MYT1: variants seen among roughly 807,000 people sequenced by gnomAD.
The protein encoded by MYT1 is myelin transcription factor 1.
MYT1 carries 23 observed loss-of-function variants against 123.0 expected under a neutral mutation model. That is an observed-to-expected ratio of 0.19 (90% CI 0.13 to 0.26). The LOEUF is 0.26. MYT1 is among the 10% of genes least tolerant of loss of function. MYT1 has a pLI of 1.00. For synonymous variants in MYT1, 518 were observed against 575.3 expected, an observed-to-expected ratio of 0.90 and a Z score of 1.43; for missense variants, 1,125 against 1,472.5, an observed-to-expected ratio of 0.76 and a Z score of 3.86.
At chr20:64,205,391 CCT>C (rs1983458186) in intron 5 of MYT1, among the ~76,000 whole-genome samples, 160 bp from the exon 6 acceptor site, 2 of 152,218 alleles carry the variant, frequency 1.3e-5, no homozygotes, top group African/African-American at 2.4e-5. Context: ...CATCTGACCC[CCT>C]AGTGCTGCAC....
chr20:64,210,905 C>T (rs930928192), intron 7 of MYT1, among the ~76,000 whole-genome samples: 2 of 152,254 alleles, frequency 1.3e-5, no homozygotes, highest in African/African-American at 4.8e-5. Context: ...GGCCTCCACA[C>T]TGTCAGAGGA....
intron 4 of MYT1, among the ~76,000 whole-genome samples, chr20:64,204,341 G>GA (rs1247987641): frequency 6.6e-6 from 1 of 152,218 alleles, no homozygotes; most frequent in Non-Finnish European, 1.5e-5. Flanking sequence ...AGAGATGCAG[G>GA]AGGGTCAGTG....
intron 2 of MYT1, among the ~76,000 whole-genome samples, chr20:64,198,391 C>A (rs986732509): frequency 2.0e-5 from 3 of 151,110 alleles, no homozygotes; most frequent in African/African-American, 7.3e-5. Flanking sequence ...AGCCACTGGA[C>A]GACCCAGCAC....
intron 1 of MYT1, among the ~76,000 whole-genome samples, chr20:64,177,877 G>A (rs986472549): frequency 4.6e-5 from 7 of 152,212 alleles, no homozygotes; most frequent in Admixed American, 3.9e-4. Flanking sequence ...CAGGTGCCTG[G>A]TCCCCTGGGC....
Position 64,205,760 on chromosome 20 carries a change from G to C in MYT1, c.357G>C (p.Thr119=). 1 of 1,614,156 alleles carries C rather than the reference G, an allele frequency of 6.2e-7. No individual in the cohort carries two copies. The highest frequency in any genetic ancestry group is 1.1e-5 in the South Asian group (1 of 91,086). Residue 119 remains threonine (T), a synonymous_variant, in exon 6 of 23, where the codon ACG becomes ACC. Transcript: ENST00000328439. ...EGTLEGAEAE[T]SGQDEIHRPE... ...CTCTGGAGGGGGCCGAGGCTGAGAC[G>C]TCAGGACAGGACGAGATTCATCGCC...
chr20:64,204,887 G>A (rs1983435894), intron 4 of MYT1, 148 bp from the exon 5 acceptor site: 3 of 683,964 alleles, frequency 4.4e-6, no homozygotes, highest in South Asian at 1.8e-5. Context: ...TTTGAATGGG[G>A]CGAGTTATTA....
intron 1 of MYT1, among the ~76,000 whole-genome samples, chr20:64,180,149 C>T (rs1438284670): frequency 6.6e-6 from 1 of 151,764 alleles, no homozygotes; most frequent in Non-Finnish European, 1.5e-5. Context: ...ACACGCTACA[C>T]ACAGTTACAT....
Position 64,240,645 on chromosome 20 carries a change from C to A in MYT1, c.*197C>A. 1 of 647,834 alleles carries A rather than the reference C, an allele frequency of 1.5e-6. No homozygotes were observed. Among genetic ancestry groups the A allele is most frequent in the Admixed American group, 3.4e-5 (1 of 29,810 alleles). 40.1% of individuals were successfully genotyped at this position (647,834 alleles called of 1,614,324 possible). ...CTCCAGGCTTGGGGCCGTGGTGGCC[C>A]TATCTGTGTGCATAGGGGCACTGAA... On this transcript the variant is annotated 3_prime_UTR_variant, in exon 23 of 23. Coordinates refer to ENST00000328439, the MANE Select transcript of MYT1 (RefSeq NM_004535.3).
intron 21 of MYT1, among the ~76,000 whole-genome samples, chr20:64,238,714 C>T (rs1308614370): frequency 2.0e-5 from 3 of 152,064 alleles, no homozygotes; most frequent in Non-Finnish European, 2.9e-5. Context: ...CCTGCTCCTC[C>T]CCTTCTCAGA....
rs962465540 is a variant in MYT1, at chr20:64,202,543, G to A, written c.87-2492G>A. Among the ~76,000 whole-genome samples, 21 of 152,044 alleles carry A rather than the reference G, an allele frequency of 1.4e-4. No homozygotes were observed. Among genetic ancestry groups the A allele is most frequent in the African/African-American group, 4.8e-4 (20 of 41,372 alleles). On this transcript the variant is annotated intron_variant, in intron 4 of 22. Coordinates refer to ENST00000328439, the MANE Select transcript of MYT1 (RefSeq NM_004535.3). This position sits in a 1 kb window ranked among gnomAD's most constrained non-coding sequence, Gnocchi z 5.0. ...TGTAGCTCACCCTTCTTCTTCTGGC[G>A]CCTTCCTCCTTGAGCCACTGGCCAA...
At chr20:64,216,892 G>A (rs1601717704) in intron 10 of MYT1, among the ~76,000 whole-genome samples, 175 bp from the exon 11 acceptor site, 1 of 152,196 alleles carries the variant, frequency 6.6e-6, no homozygotes, top group African/African-American at 2.4e-5. Context: ...ACCCTGGGAG[G>A]TGGAACTCTG....
At chr20:64,199,611 G>A (rs1443948700) in intron 3 of MYT1, among the ~76,000 whole-genome samples, 1 of 152,202 alleles carries the variant, frequency 6.6e-6, no homozygotes, top group Non-Finnish European at 1.5e-5. Context: ...GTCTGAGGTG[G>A]AGCATCTGTC....
chr20:64,190,379 A>G lies in MYT1; in HGVS notation c.-1+219A>G, dbSNP rs192395451. The stretch of plus-strand genomic sequence containing the variant: ...AATGACTCTGAGTAGATCAAAACTA[A>G]AATGTGACCCCAGGCTGGGCCCGGT... On this transcript the variant is annotated intron_variant, in intron 2 of 22. Transcript: ENST00000328439. The surrounding 1 kb of genome is among the most constrained non-coding windows in gnomAD (Gnocchi z 4.1). 6.6e-5 allele frequency among the ~76,000 whole-genome samples: 10 copies of G among 152,348 alleles called. No individual in the cohort carries two copies. The highest frequency in any genetic ancestry group is 1.3e-4 in the Admixed American group (2 of 15,310).
intron 6 of MYT1, 89 bp downstream of exon 6, chr20:64,205,889 G>T: frequency 6.5e-7 from 1 of 1,541,414 alleles, no homozygotes; most frequent in Admixed American, 1.9e-5. Context: ...GGCTCACTCC[G>T]GGCAAGAGAA....
chr20:64,223,135 C>T lies in MYT1; in HGVS notation c.2421C>T (p.Gly807=). 1 of 1,614,200 alleles carries T rather than the reference C, an allele frequency of 6.2e-7. No individual in the cohort carries two copies. Among genetic ancestry groups the T allele is most frequent in the Non-Finnish European group, 8.5e-7 (1 of 1,180,036 alleles). ...LLTCPTPGCD[G]SGHITGNYAS... ...GCTGTCCCACCCCTGGCTGTGACGGCAGCGGCCACATCACCGGGAACTACG... is the reference window on the plus strand; with the variant it reads ...GCTGTCCCACCCCTGGCTGTGACGGTAGCGGCCACATCACCGGGAACTACG... Residue 807 remains glycine, a synonymous_variant, in exon 15 of 23, where the codon GGC becomes GGT. Transcript: ENST00000328439.
intron 18 of MYT1, 162 bp downstream of exon 18, chr20:64,228,133 T>A: frequency 1.5e-6 from 1 of 674,892 alleles, no homozygotes; most frequent in Admixed American, 2.7e-5. Context: ...ATGGAAGCTC[T>A]CATACGCTAC....
At chr20:64,237,998 T>C (rs2145738269) in intron 21 of MYT1, among the ~76,000 whole-genome samples, 1 of 152,288 alleles carries the variant, frequency 6.6e-6, no homozygotes, top group South Asian at 2.1e-4. Context: ...AAGCACCTGA[T>C]CCAGAGTAAG....
chr20:64,178,683 G>A (rs1175105911), intron 1 of MYT1, among the ~76,000 whole-genome samples: 3 of 147,016 alleles, frequency 2.0e-5, no homozygotes, highest in South Asian at 2.2e-4. Flanking sequence ...GCACTGAGCC[G>A]TTATTCGGTG....
At chr20:64,182,550 C>T (rs1205504036) in intron 1 of MYT1, among the ~76,000 whole-genome samples, 4 of 152,226 alleles carry the variant, frequency 2.6e-5, no homozygotes, top group Non-Finnish European at 4.4e-5. Context: ...TGAATGAGTA[C>T]AGCTCTAACT....
Sources: gnomAD v4.1 joint callset for allele counts (sites outside exome capture counted in the v4.1 genomes callset) on GRCh38, gnomAD v4.1.1 for gene constraint, Gnocchi (gnomAD v3.1) non-coding constraint, MANE v1.5 for transcripts, NCBI Gene and HGNC (gene_info 2026-07-23, HGNC 2026-07-21) for gene names.